The following PRDM5 variants were observed in gnomAD, a reference collection of about 807,000 sequenced individuals.
The protein encoded by PRDM5 is PR domain zinc finger protein 5.
Under a neutral mutation model 81.2 loss-of-function variants are expected in PRDM5, and 56 were observed. The ratio of observed to expected loss-of-function variants is 0.69; its 90% CI spans 0.56 to 0.86. PRDM5 has a LOEUF of 0.86. Among genes scored for constraint, PRDM5 ranks in the 40% least tolerant of loss-of-function variants. The probability of loss-of-function intolerance (pLI) is 0.00; values close to 1 mark genes in which losing one functional copy is unlikely to be tolerated. For synonymous variants in PRDM5, 267 were observed against 256.4 expected, an observed-to-expected ratio of 1.04 and a Z score of -0.39; for missense variants, 697 against 770.1, an observed-to-expected ratio of 0.91 and a Z score of 1.12.
In PRDM5 at chr4:120,800,511, G is replaced by A. The variant is rs1167185573; in HGVS notation, c.946-766C>T. On this transcript the variant is annotated intron_variant, in intron 8 of 15. Transcript: ENST00000264808. Reference sequence around the variant, plus strand: ...CAGCATGGGTGACAGAGTGAGACTCGGTCTCAAAAAAAAAAAAAAAAGTCT... The same window carrying A: ...CAGCATGGGTGACAGAGTGAGACTCAGTCTCAAAAAAAAAAAAAAAAGTCT... Among the ~76,000 whole-genome samples the A allele has an allele frequency of 8.4e-5, 10 of 118,388 alleles. No homozygotes were observed. The East Asian group carries it at 2.7e-3, about 32-fold the overall frequency. The allele number at this position is 118,388 out of a possible 152,430, so 77.7% of individuals were successfully genotyped here.
At chr4:120,717,749 T>TC (rs1738002490) in intron 14 of PRDM5, among the ~76,000 whole-genome samples, 1 of 152,156 alleles carries the variant, frequency 6.6e-6, no homozygotes, top group Non-Finnish European at 1.5e-5. Flanking sequence ...CCAGAATGGA[T>TC]CACAGGTGGA....
intron 2 of PRDM5, among the ~76,000 whole-genome samples, chr4:120,869,948 T>A (rs192036678): frequency 6.6e-6 from 1 of 151,602 alleles, no homozygotes; most frequent in East Asian, 1.9e-4. Context: ...ATGAGAGCAC[T>A]GTGTAAGGAG....
chr4:120,921,949 T>C (rs1336030565), intron 1 of PRDM5, among the ~76,000 whole-genome samples: 1 of 152,082 alleles, frequency 6.6e-6, no homozygotes, highest in Admixed American at 6.5e-5. Flanking sequence ...TATAATACAT[T>C]CCAGAAGGAG....
chr4:120,778,484 C>G (rs3804165), intron 12 of PRDM5, among the ~76,000 whole-genome samples: 31,610 of 152,082 alleles, frequency 0.21, 3,771 homozygotes, highest in Non-Finnish European at 0.28. Flanking sequence ...TCCATATTAA[C>G]TTGTTAACAT....
chr4:120,697,417 A>T (rs1387914120), intron 15 of PRDM5, among the ~76,000 whole-genome samples: 1 of 152,212 alleles, frequency 6.6e-6, no homozygotes, highest in Non-Finnish European at 1.5e-5. Context: ...ATAAAAGTGA[A>T]AATTACAAAT....
At chr4:120,807,955 G>A (rs1753231821) in intron 8 of PRDM5, among the ~76,000 whole-genome samples, 1 of 152,190 alleles carries the variant, frequency 6.6e-6, no homozygotes, top group Non-Finnish European at 1.5e-5. Flanking sequence ...AGTTCTTAAA[G>A]GCGGCACATC....
At position 120,913,981 on chromosome 4, in the gene PRDM5, C is replaced by T. The variant is rs746782050; in HGVS notation, c.94-6424G>A. Reference sequence around the variant, plus strand: ...TGCCTTCTACCACCTGCAGGACTGACGCCACAGAGGACTATTCAATAACAG... The same window carrying T: ...TGCCTTCTACCACCTGCAGGACTGATGCCACAGAGGACTATTCAATAACAG... On this transcript the variant is annotated intron_variant, in intron 1 of 15. Transcript: ENST00000264808. Among the ~76,000 whole-genome samples, 249 of 152,242 alleles carry T rather than the reference C, an allele frequency of 1.6e-3. 1 individual carries two copies. Among genetic ancestry groups the T allele is most frequent in the Non-Finnish European group, 2.5e-3 (167 of 68,018 alleles).
intron 10 of PRDM5, among the ~76,000 whole-genome samples, chr4:120,786,882 A>T (rs1393123659): frequency 6.6e-6 from 1 of 152,186 alleles, no homozygotes; most frequent in Non-Finnish European, 1.5e-5. Flanking sequence ...AGCACTCCTA[A>T]AATTTCATTC....
At chr4:120,684,511 A>G (rs187556471), downstream of PRDM5, among the ~76,000 whole-genome samples, 8 of 152,058 alleles carry the variant, frequency 5.3e-5, no homozygotes, top group African/African-American at 1.4e-4. Context: ...CTATTCAGAT[A>G]CCATGAAGGC....
chr4:120,805,316 A>T (rs11942942), intron 8 of PRDM5, among the ~76,000 whole-genome samples: 3 of 152,200 alleles, frequency 2.0e-5, no homozygotes, highest in Non-Finnish European at 4.4e-5. Flanking sequence ...ATTCCAATCA[A>T]TAGAAAAAGA....
chr4:120,794,086 C>G (rs1750993447), intron 10 of PRDM5, among the ~76,000 whole-genome samples: 1 of 152,180 alleles, frequency 6.6e-6, no homozygotes, highest in African/African-American at 2.4e-5. Flanking sequence ...TTCCTTCTGT[C>G]AGATTCAAAT....
rs1052408300 is a variant in PRDM5, at chr4:120,827,489, C to T, written c.301-6144G>A. Among the ~76,000 whole-genome samples, 12 of 152,162 alleles carry T rather than the reference C, an allele frequency of 7.9e-5. No individual in the cohort carries two copies. The South Asian group carries it at 2.5e-3, about 32-fold the overall frequency. ...TTCTTATGCATCAAATTAATCATTG[C>T]TAAATTCAGAAAGTTTAGAAGAGTA... On this transcript the variant is annotated intron_variant, in intron 3 of 15. Coordinates refer to ENST00000264808, the MANE Select transcript of PRDM5 (RefSeq NM_018699.4).
chr4:120,890,471 T>C lies in PRDM5; in HGVS notation c.177+17003A>G, dbSNP rs1405241122. 2.0e-5 allele frequency among the ~76,000 whole-genome samples: 3 copies of C among 152,248 alleles called. No individual in the cohort carries two copies. In the East Asian group the frequency reaches 5.8e-4, roughly 29 times the overall value. On this transcript the variant is annotated intron_variant, in intron 2 of 15. Coordinates refer to ENST00000264808, the MANE Select transcript of PRDM5 (RefSeq NM_018699.4). The stretch of plus-strand genomic sequence containing the variant: ...TATATCTAAACCATATCAATTTCTT[T>C]GGGTATACACCCAATAATGGGAATG...
At chr4:120,803,459 A>C (rs1004048378) in intron 8 of PRDM5, among the ~76,000 whole-genome samples, 10 of 152,208 alleles carry the variant, frequency 6.6e-5, no homozygotes, top group African/African-American at 1.9e-4. Flanking sequence ...CCAGAGAGAA[A>C]GGTCGGGTTA....
intron 2 of PRDM5, among the ~76,000 whole-genome samples, chr4:120,903,016 C>T (rs1765388182): frequency 6.6e-6 from 1 of 152,138 alleles, no homozygotes; most frequent in South Asian, 2.1e-4. Flanking sequence ...TGGCCTTGTC[C>T]ACCACAACCA....
At chr4:120,687,198 C>T (rs1474233715), downstream of PRDM5, among the ~76,000 whole-genome samples, 2 of 151,994 alleles carry the variant, frequency 1.3e-5, no homozygotes, top group Non-Finnish European at 2.9e-5. Context: ...GTATACAGCA[C>T]GGTAGTGTTA....
At chr4:120,879,151 C>A (rs1762599085) in intron 2 of PRDM5, among the ~76,000 whole-genome samples, 1 of 152,050 alleles carries the variant, frequency 6.6e-6, no homozygotes, top group Admixed American at 6.6e-5. Flanking sequence ...AAATGTCCCT[C>A]AATAAGTGAA....
chr4:120,878,128 G>A lies in PRDM5; in HGVS notation c.178-24588C>T, dbSNP rs970186897. On this transcript the variant is annotated intron_variant, in intron 2 of 15. Transcript: ENST00000264808. The stretch of plus-strand genomic sequence containing the variant: ...CTAACTGCTATAGGAGTCTACAGAA[G>A]GACTACAGAAGATCTAATTTCTGTA... Among the ~76,000 whole-genome samples the A allele has an allele frequency of 2.0e-5, 3 of 152,150 alleles. No homozygotes were observed. The South Asian group carries it at 6.2e-4, about 32-fold the overall frequency.
chr4:120,798,383 T>C lies in PRDM5; in HGVS notation c.1072A>G (p.Lys358Glu), dbSNP rs775729249. Residue 358 changes from lysine (K) to glutamate (E), a missense_variant, in exon 10 of 16, where the codon AAG becomes GAG. By Grantham distance (56) the Lys-to-Glu change is moderately conservative. Coordinates refer to ENST00000264808, the MANE Select transcript of PRDM5 (RefSeq NM_018699.4). ...TGAGCACCCACTTGATCAAGCCTCT[T>C]GAAAGACTTATTACAAATCTCGCAA... is the stretch of plus-strand genomic sequence containing the variant. ...YNCEICNKSF[K>E]RLDQVGAHKV... 3.1e-6 allele frequency: 5 copies of C among 1,612,868 alleles called. No homozygotes were observed. The African/African-American group carries it at 6.7e-5, about 22-fold the overall frequency.
Sources: gnomAD v4.1 joint callset for allele counts (sites outside exome capture counted in the v4.1 genomes callset) on GRCh38, gnomAD v4.1.1 for gene constraint, MANE v1.5 for transcripts, NCBI Gene and HGNC (gene_info 2026-07-23, HGNC 2026-07-21) for gene names.